The following RUNX1T1 variants were observed in gnomAD, a reference collection of about 807,000 sequenced individuals.
RUNX1T1 encodes the protein protein CBFA2T1.
In RUNX1T1, 4 loss-of-function variants were observed where a neutral mutation model predicts 62.8. The observed-to-expected ratio is 0.06, with a 90% CI of 0.03 to 0.15. The LOEUF (loss-of-function observed/expected upper bound fraction) is 0.15, where lower values mean the gene tolerates loss of function less well. RUNX1T1 is among the 10% of genes least tolerant of loss of function. RUNX1T1 has a pLI of 1.00. For synonymous variants in RUNX1T1, 291 were observed against 286.0 expected, an observed-to-expected ratio of 1.02 and a Z score of -0.18; for missense variants, 508 against 754.3, an observed-to-expected ratio of 0.67 and a Z score of 3.82.
chr8:92,046,713 T>A (rs892311217), intron 1 of RUNX1T1, among the ~76,000 whole-genome samples: 2 of 152,174 alleles, frequency 1.3e-5, no homozygotes, highest in Non-Finnish European at 2.9e-5. Flanking sequence ...CTTCAGCAAA[T>A]GCCTGTTTTG....
intron 5 of RUNX1T1, among the ~76,000 whole-genome samples, chr8:91,997,730 G>T (rs943703878): frequency 1.3e-5 from 2 of 151,920 alleles, no homozygotes; most frequent in Non-Finnish European, 1.5e-5. Flanking sequence ...TCACACCATG[G>T]TCCCACTTTG....
intron 1 of RUNX1T1, among the ~76,000 whole-genome samples, chr8:92,097,577 T>C (rs1837842808): frequency 6.6e-6 from 1 of 152,196 alleles, no homozygotes. Context: ...AGTGCCCCCC[T>C]GATTTTTCCA....
intron 1 of RUNX1T1, among the ~76,000 whole-genome samples, chr8:92,044,658 A>G (rs114836362): frequency 0.014 from 2,144 of 152,354 alleles, 53 homozygotes; most frequent in African/African-American, 0.049. Context: ...TGTCATTCTC[A>G]TCACCACTAC....
At chr8:92,033,446 T>A (rs1039765140) in intron 1 of RUNX1T1, among the ~76,000 whole-genome samples, 9 of 152,222 alleles carry the variant, frequency 5.9e-5, no homozygotes, top group Admixed American at 5.2e-4. Flanking sequence ...GAATACTGAG[T>A]AGCTATTTCT....
chr8:92,056,601 T>C (rs776506331), intron 1 of RUNX1T1, among the ~76,000 whole-genome samples: 8 of 151,378 alleles, frequency 5.3e-5, no homozygotes, highest in Middle Eastern at 3.2e-3. Flanking sequence ...ATTTTAAAAA[T>C]CAACTGCTTT....
At chr8:91,997,331 G>T (rs912397081) in intron 5 of RUNX1T1, among the ~76,000 whole-genome samples, 1 of 151,908 alleles carries the variant, frequency 6.6e-6, no homozygotes, top group African/African-American at 2.4e-5. Context: ...TGGCAGAAGC[G>T]GGTGTAAGTT....
chr8:92,051,622 T>TCA (rs1331298450), intron 1 of RUNX1T1, among the ~76,000 whole-genome samples: 384 of 149,064 alleles, frequency 2.6e-3, no homozygotes, highest in African/African-American at 9.1e-3. Context: ...TCTCTCTCTC[T>TCA]CACTCTCTCT....
chr8:92,044,088 G>A (rs562086671), intron 1 of RUNX1T1, among the ~76,000 whole-genome samples: 1 of 152,088 alleles, frequency 6.6e-6, no homozygotes, highest in East Asian at 1.9e-4. Context: ...CAGGAGTCAG[G>A]GGAACAGCAT....
intron 1 of RUNX1T1, among the ~76,000 whole-genome samples, chr8:92,028,039 T>C (rs1158780051): frequency 3.2e-5 from 4 of 125,714 alleles, no homozygotes; most frequent in Admixed American, 1.0e-4. Context: ...TAGTAGGCAT[T>C]GGATGGACGG....
intron 1 of RUNX1T1, among the ~76,000 whole-genome samples, chr8:92,085,659 A>C (rs1238588242): frequency 6.6e-6 from 1 of 152,252 alleles, no homozygotes; most frequent in Non-Finnish European, 1.5e-5. Flanking sequence ...AGTTCAAAAA[A>C]TAAAAAGAAT....
At chr8:91,978,044 G>A (rs1052346562) in intron 8 of RUNX1T1, among the ~76,000 whole-genome samples, 1 of 152,114 alleles carries the variant, frequency 6.6e-6, no homozygotes, top group African/African-American at 2.4e-5. Context: ...CTCCCAAAGT[G>A]CTGGAATTAC....
intron 6 of RUNX1T1, among the ~76,000 whole-genome samples, chr8:91,988,484 T>G (rs1382392909): frequency 6.6e-6 from 1 of 152,180 alleles, no homozygotes; most frequent in African/African-American, 2.4e-5. Flanking sequence ...ATATGTAATT[T>G]TTGTTAACTT....
chr8:92,047,268 A>G (rs181110536), intron 1 of RUNX1T1, among the ~76,000 whole-genome samples: 212 of 152,126 alleles, frequency 1.4e-3, no homozygotes, highest in Admixed American at 3.5e-3. Flanking sequence ...TGCTTCTCCC[A>G]TATATCTCTA....
intron 8 of RUNX1T1, among the ~76,000 whole-genome samples, chr8:91,982,648 T>C (rs1054809737): frequency 6.6e-6 from 1 of 152,184 alleles, no homozygotes; most frequent in Non-Finnish European, 1.5e-5. Flanking sequence ...ACTTTGAAAA[T>C]AGAGACAGCA....
intron 1 of RUNX1T1, 150 bp from the exon 3 acceptor site, chr8:92,017,513 A>AT: frequency 6.5e-7 from 1 of 1,526,722 alleles, no homozygotes; most frequent in Non-Finnish European, 8.8e-7. Context: ...TTAAATCAGG[A>AT]TTTTATCATC....
chr8:92,102,728 A>G, upstream of RUNX1T1: 1 of 953,936 alleles, frequency 1.0e-6, no homozygotes, highest in Non-Finnish European at 1.5e-6. The surrounding 1 kb of genome is among the most constrained non-coding windows in gnomAD (Gnocchi z 4.5). Context: ...TTGAGCGACA[A>G]GTACAGCCTG....
intron 1 of RUNX1T1, among the ~76,000 whole-genome samples, chr8:92,026,729 G>A (rs935004097): frequency 1.5e-4 from 23 of 152,238 alleles, no homozygotes; most frequent in Middle Eastern, 3.4e-3. Flanking sequence ...GGTTGAGGCA[G>A]GAGAATGGCG....
At chr8:91,994,932 A>G (rs1818383389) in intron 5 of RUNX1T1, among the ~76,000 whole-genome samples, 1 of 152,232 alleles carries the variant, frequency 6.6e-6, no homozygotes, top group Non-Finnish European at 1.5e-5. Flanking sequence ...TGCCATAGTT[A>G]TGCAGATCAA....
At chr8:92,034,285 C>G (rs970382352) in intron 1 of RUNX1T1, among the ~76,000 whole-genome samples, 2 of 152,068 alleles carry the variant, frequency 1.3e-5, no homozygotes, top group African/African-American at 4.8e-5. Flanking sequence ...TAGAGATCAC[C>G]TTGGGGAAAA....
Sources: gnomAD v4.1 joint callset for allele counts (sites outside exome capture counted in the v4.1 genomes callset) on GRCh38, gnomAD v4.1.1 for gene constraint, Gnocchi (gnomAD v3.1) non-coding constraint, MANE v1.5 for transcripts, NCBI Gene and HGNC (gene_info 2026-07-23, HGNC 2026-07-21) for gene names.